Variants in HECW2 observed in about 807,000 individuals in gnomAD.
HECW2 encodes E3 ubiquitin-protein ligase HECW2.
HECW2 carries 61 observed loss-of-function variants against 175.2 expected under a neutral mutation model. The observed-to-expected ratio is 0.35, with a 90% CI of 0.28 to 0.43. The LOEUF (loss-of-function observed/expected upper bound fraction) is 0.43, where lower values mean the gene tolerates loss of function less well. Ranked by LOEUF, HECW2 falls within the 20% of genes least tolerant of loss-of-function variation. The pLI is 1.00. For synonymous variants in HECW2, 671 were observed against 731.0 expected (o/e 0.92, Z 1.32); for missense variants, 1,524 against 2,000.5 (o/e 0.76, Z 4.54).
intron 28 of HECW2, among the ~76,000 whole-genome samples, chr2:196,211,411 C>T (rs930019254): frequency 3.3e-5 from 5 of 152,154 alleles, no homozygotes; most frequent in African/African-American, 9.7e-5. Flanking sequence ...CCACCGACCG[C>T]GAAGCAGAGG....
intron 15 of HECW2, 74 bp downstream of exon 15, chr2:196,278,454 T>G: frequency 1.4e-6 from 2 of 1,420,270 alleles, no homozygotes; most frequent in Non-Finnish European, 1.9e-6. Flanking sequence ...AAAAAATCAG[T>G]CAAATTCCTC....
intron 1 of HECW2, among the ~76,000 whole-genome samples, chr2:196,451,308 C>G (rs1696338622): frequency 6.6e-6 from 1 of 151,524 alleles, no homozygotes; most frequent in South Asian, 2.1e-4. Context: ...GTGGCACGCA[C>G]CTGTAATCCC....
intron 2 of HECW2, among the ~76,000 whole-genome samples, chr2:196,370,450 G>C (rs1261906766): frequency 6.6e-6 from 1 of 152,128 alleles, no homozygotes; most frequent in East Asian, 1.9e-4. Context: ...TGGAATGCAG[G>C]GGTCTCTTTT....
At chr2:196,401,366 A>G (rs1324572772) in intron 2 of HECW2, among the ~76,000 whole-genome samples, 1 of 152,224 alleles carries the variant, frequency 6.6e-6, no homozygotes, top group Non-Finnish European at 1.5e-5. Context: ...GAATGCATAT[A>G]ACATAATACA....
At chr2:196,284,877 T>C (rs1690324622) in intron 14 of HECW2, among the ~76,000 whole-genome samples, 1 of 151,904 alleles carries the variant, frequency 6.6e-6, no homozygotes, top group Non-Finnish European at 1.5e-5. Flanking sequence ...TATGGAAAAA[T>C]AGATCCTTTT....
At chr2:196,357,944 C>G (rs1032402275) in intron 2 of HECW2, among the ~76,000 whole-genome samples, 2 of 152,158 alleles carry the variant, frequency 1.3e-5, no homozygotes, top group African/African-American at 2.4e-5. Flanking sequence ...TAGGGAAGTT[C>G]TTTATAGTAG....
intron 1 of HECW2, among the ~76,000 whole-genome samples, chr2:196,551,311 G>A (rs1689595225): frequency 6.6e-6 from 1 of 152,198 alleles, no homozygotes; most frequent in Admixed American, 6.5e-5. Flanking sequence ...TACAGCCAAG[G>A]ACAGGGGCAG....
chr2:196,205,171 A>C (rs529439250), intron 28 of HECW2, among the ~76,000 whole-genome samples: 17 of 152,320 alleles, frequency 1.1e-4, no homozygotes, highest in African/African-American at 3.9e-4. Context: ...CCTCTGGAAA[A>C]TATTTCGCGA....
intron 1 of HECW2, among the ~76,000 whole-genome samples, chr2:196,571,193 G>A (rs1690372331): frequency 6.6e-6 from 1 of 152,186 alleles, no homozygotes; most frequent in African/African-American, 2.4e-5. Flanking sequence ...TCAGAAGTCA[G>A]ATTACATTTA....
chr2:196,543,390 A>G (rs1689294355), intron 1 of HECW2, among the ~76,000 whole-genome samples: 1 of 151,964 alleles, frequency 6.6e-6, no homozygotes, highest in African/African-American at 2.4e-5. Context: ...CAAATCTGGA[A>G]ATATTATAAT....
chr2:196,353,454 A>G (rs574448779), intron 2 of HECW2, among the ~76,000 whole-genome samples: 5 of 152,324 alleles, frequency 3.3e-5, no homozygotes, highest in African/African-American at 1.2e-4. Flanking sequence ...TGTAAACTCC[A>G]AGAGGTCAAG....
At chr2:196,540,633 C>T (rs763355396) in intron 1 of HECW2, among the ~76,000 whole-genome samples, 7 of 151,946 alleles carry the variant, frequency 4.6e-5, no homozygotes, top group Non-Finnish European at 4.4e-5. Flanking sequence ...TTTGTAAAGA[C>T]GGGGTCTCGC....
intron 19 of HECW2, among the ~76,000 whole-genome samples, chr2:196,250,116 A>G (rs1228351083): frequency 4.6e-5 from 7 of 152,218 alleles, no homozygotes; most frequent in Non-Finnish European, 8.8e-5. Context: ...CCTTTTCCTC[A>G]GGGAGGAGAG....
At chr2:196,413,279 C>T (rs1048120188) in intron 2 of HECW2, among the ~76,000 whole-genome samples, 1 of 152,026 alleles carries the variant, frequency 6.6e-6, no homozygotes, top group African/African-American at 2.4e-5. Flanking sequence ...CGCTTGAGCA[C>T]AGGAGCGTGA....
intron 14 of HECW2, chr2:196,290,333 A>G (rs1471349136): frequency 6.6e-6 from 1 of 152,238 alleles, no homozygotes; most frequent in Non-Finnish European, 1.5e-5. Context: ...TCTTAAGAAT[A>G]CATTACAACT....
At chr2:196,489,134 A>G (rs891197716) in intron 1 of HECW2, among the ~76,000 whole-genome samples, 1 of 152,222 alleles carries the variant, frequency 6.6e-6, no homozygotes, top group Non-Finnish European at 1.5e-5. Context: ...TACAGAGGTA[A>G]TAAGTCCTTG....
chr2:196,472,955 A>G (rs766188191), intron 1 of HECW2, among the ~76,000 whole-genome samples: 5 of 152,192 alleles, frequency 3.3e-5, no homozygotes, highest in Admixed American at 2.0e-4. Context: ...GGATTAAAAC[A>G]TGCACATTTG....
intron 1 of HECW2, among the ~76,000 whole-genome samples, chr2:196,511,103 T>C (rs1575618745): frequency 6.6e-6 from 1 of 152,150 alleles, no homozygotes; most frequent in East Asian, 1.9e-4. Context: ...GTAGCTGGGA[T>C]TACAAGTGTG....
At chr2:196,477,107 C>CA (rs1232836174) in intron 1 of HECW2, among the ~76,000 whole-genome samples, 1 of 149,804 alleles carries the variant, frequency 6.7e-6, no homozygotes, top group Non-Finnish European at 1.5e-5. Flanking sequence ...TACACCACTG[C>CA]ACTCCTGTGT....
Sources: allele counts gnomAD v4.1 joint callset (sites outside exome capture counted in the v4.1 genomes callset), GRCh38; gene constraint gnomAD v4.1.1; transcripts MANE v1.5; gene names NCBI Gene and HGNC (gene_info 2026-07-23, HGNC 2026-07-21).